CDH11: variants seen among roughly 807,000 people sequenced by gnomAD.
CDH11 encodes cadherin 11.
In CDH11, 11 loss-of-function variants were observed where a neutral mutation model predicts 67.8. The observed-to-expected ratio is 0.16, with a 90% CI of 0.10 to 0.27. The LOEUF (loss-of-function observed/expected upper bound fraction) is 0.27, where lower values mean the gene tolerates loss of function less well. CDH11 is among the 10% of genes least tolerant of loss of function. The pLI is 1.00. For synonymous variants in CDH11, 419 were observed against 400.0 expected (o/e 1.05, Z -0.57); for missense variants, 847 against 1,031.2 (o/e 0.82, Z 2.45).
At chr16:65,056,599 C>T (rs1001454946) in intron 1 of CDH11, among the ~76,000 whole-genome samples, 3 of 152,154 alleles carry the variant, frequency 2.0e-5, no homozygotes, top group Non-Finnish European at 2.9e-5. Context: ...GCACATATAA[C>T]CATCCTGGGT....
intron 6 of CDH11, among the ~76,000 whole-genome samples, chr16:64,990,832 A>G (rs2072612195): frequency 6.6e-6 from 1 of 152,198 alleles, no homozygotes; most frequent in Admixed American, 6.5e-5. Context: ...TTTGTTGACG[A>G]CTTATAGACA....
intron 2 of CDH11, among the ~76,000 whole-genome samples, chr16:65,042,304 T>G (rs2073880708): frequency 6.6e-6 from 1 of 152,158 alleles, no homozygotes; most frequent in African/African-American, 2.4e-5. Flanking sequence ...ATTGCTGCTG[T>G]GAAGAATTAG....
chr16:65,027,932 T>C (rs1014963949), intron 2 of CDH11, among the ~76,000 whole-genome samples: 2 of 152,060 alleles, frequency 1.3e-5, no homozygotes, highest in African/African-American at 4.8e-5. Context: ...AATATACACA[T>C]AGAGAAAATA....
At chr16:65,043,931 G>A (rs1238497267) in intron 2 of CDH11, among the ~76,000 whole-genome samples, 1 of 151,828 alleles carries the variant, frequency 6.6e-6, no homozygotes, top group Non-Finnish European at 1.5e-5. Context: ...CACCTCTTTG[G>A]GCCTCGTTTT....
At chr16:65,056,086 A>G (rs2074137520) in intron 1 of CDH11, among the ~76,000 whole-genome samples, 1 of 152,228 alleles carries the variant, frequency 6.6e-6, no homozygotes, top group South Asian at 2.1e-4. Context: ...AAACCACCCA[A>G]TCTGTGATAT....
intron 1 of CDH11, among the ~76,000 whole-genome samples, chr16:65,111,492 G>A: frequency 6.6e-6 from 1 of 152,058 alleles, no homozygotes; most frequent in Non-Finnish European, 1.5e-5. Flanking sequence ...CAGCACATAA[G>A]GAAAAAGAAA....
intron 3 of CDH11, among the ~76,000 whole-genome samples, chr16:65,000,699 C>T (rs2072899533): frequency 1.3e-5 from 2 of 152,042 alleles, no homozygotes; most frequent in African/African-American, 2.4e-5. Flanking sequence ...ATCCCAGCTA[C>T]TTGGGAGGCC....
chr16:65,045,329 G>GTATATATATATATATATA lies in CDH11; in HGVS notation c.-173+8457_-173+8474dup, dbSNP rs57695452. ...TTTTAAAAATTTGTTTCCCTCAAAAGTATATATATATATATATATATATAT... is the reference window on the plus strand; with the variant it reads ...TTTTAAAAATTTGTTTCCCTCAAAAGTATATATATATATATATATATATATATATATATATATATATAT... On this transcript the variant is annotated intron_variant, in intron 2 of 12. Coordinates refer to ENST00000268603, the MANE Select transcript of CDH11 (RefSeq NM_001797.4). Among the ~76,000 whole-genome samples the GTATATATATATATATATA allele has an allele frequency of 2.5e-4, 16 of 63,280 alleles. 1 individual carries two copies. The highest frequency in any genetic ancestry group is 3.3e-4 in the Non-Finnish European group (10 of 30,358). 41.5% of individuals were successfully genotyped at this position (63,280 alleles called of 152,430 possible).
upstream of CDH11, chr16:65,122,395 C>G (rs1376453468): frequency 1.0e-5 from 2 of 194,178 alleles, no homozygotes; most frequent in Non-Finnish European, 2.1e-5. Flanking sequence ...TCCAGGGACG[C>G]ACAGCCAATC....
chr16:64,994,760 A>G (rs1240342918), intron 4 of CDH11, among the ~76,000 whole-genome samples: 3 of 152,186 alleles, frequency 2.0e-5, no homozygotes, highest in Non-Finnish European at 2.9e-5. Context: ...GGAAAAGAAG[A>G]AGTCAAATTA....
chr16:64,983,235 A>G (rs1469396466), intron 7 of CDH11: 1 of 152,170 alleles, frequency 6.6e-6, no homozygotes, highest in Non-Finnish European at 1.5e-5. Context: ...ATGAAAGAAA[A>G]AAAATGAGTA....
intron 2 of CDH11, among the ~76,000 whole-genome samples, chr16:65,017,347 T>C (rs2073331915): frequency 6.6e-6 from 1 of 152,162 alleles, no homozygotes; most frequent in Admixed American, 6.5e-5. Context: ...TGTAGAGGGA[T>C]GAAGATCCAT....
chr16:65,022,939 C>A (rs2073456568), intron 2 of CDH11, among the ~76,000 whole-genome samples: 1 of 152,166 alleles, frequency 6.6e-6, no homozygotes, highest in Non-Finnish European at 1.5e-5. Flanking sequence ...CAACAGAGGA[C>A]CTCATACAGC....
Position 65,102,212 on chromosome 16 carries a change from C to G in CDH11, c.-298+19668G>C, listed in dbSNP as rs117154772. Reference sequence around the variant, plus strand: ...AAAGATAATGTTTGAATTAAATCCACTCAAAGTCTAAGTTTTAAAAAATTC... The same window carrying G: ...AAAGATAATGTTTGAATTAAATCCAGTCAAAGTCTAAGTTTTAAAAAATTC... On this transcript the variant is annotated intron_variant, in intron 1 of 12. Coordinates refer to ENST00000268603, the MANE Select transcript of CDH11 (RefSeq NM_001797.4). Among the ~76,000 whole-genome samples, 91 of 152,300 alleles carry G rather than the reference C, an allele frequency of 6.0e-4. 1 individual carries two copies. In the East Asian group the frequency reaches 0.014, roughly 24 times the overall value.
Position 64,946,086 on chromosome 16 carries a change from G to A in CDH11, c.*1517C>T. On this transcript the variant is annotated 3_prime_UTR_variant, in exon 13 of 13. Coordinates refer to ENST00000268603, the MANE Select transcript of CDH11 (RefSeq NM_001797.4). Reference sequence around the variant, plus strand: ...CTGGACCAAATGGCATCGACTCTCAGAATCCAAAATGGTCCCTGCCCTCAT... The same window carrying A: ...CTGGACCAAATGGCATCGACTCTCAAAATCCAAAATGGTCCCTGCCCTCAT... The A allele has an allele frequency of 9.5e-7, 1 of 1,058,142 alleles. No individual in the cohort carries two copies. The highest frequency in any genetic ancestry group is 1.6e-5 in the African/African-American group (1 of 60,754). The allele number at this position is 1,058,142 out of a possible 1,614,324, so 65.5% of individuals were successfully genotyped here.
intron 11 of CDH11, among the ~76,000 whole-genome samples, chr16:64,969,399 G>T (rs1445172378): frequency 6.6e-6 from 1 of 152,198 alleles, no homozygotes; most frequent in Non-Finnish European, 1.5e-5. Context: ...TAGACCTCCA[G>T]TGTAAGTTGA....
intron 1 of CDH11, among the ~76,000 whole-genome samples, chr16:65,111,335 C>T (rs546730459): frequency 6.6e-6 from 1 of 152,220 alleles, no homozygotes; most frequent in South Asian, 2.1e-4. Context: ...AATTGAGAAG[C>T]AGATAAAGAG....
At chr16:65,100,635 G>A (rs1285822274) in intron 1 of CDH11, among the ~76,000 whole-genome samples, 1 of 151,754 alleles carries the variant, frequency 6.6e-6, no homozygotes, top group Non-Finnish European at 1.5e-5. Context: ...CTACTTGGGA[G>A]GCTGAGGCAG....
chr16:65,032,558 C>T lies in CDH11; in HGVS notation c.-173+21246G>A, dbSNP rs117527386. 3.2e-3 allele frequency among the ~76,000 whole-genome samples: 485 copies of T among 152,082 alleles called. 1 individual carries two copies. Among genetic ancestry groups the T allele is most frequent in the Non-Finnish European group, 6.0e-3 (409 of 67,986 alleles). On this transcript the variant is annotated intron_variant, in intron 2 of 12. Transcript: ENST00000268603. ...CTGGCATCAAACAAAATGATGTAACCTAAATTTGACCCCAGCTATAAGAAA... is the reference window on the plus strand; with the variant it reads ...CTGGCATCAAACAAAATGATGTAACTTAAATTTGACCCCAGCTATAAGAAA...
Sources: gnomAD v4.1 joint callset for allele counts (sites outside exome capture counted in the v4.1 genomes callset) on GRCh38, gnomAD v4.1.1 for gene constraint, MANE v1.5 for transcripts, NCBI Gene and HGNC (gene_info 2026-07-23, HGNC 2026-07-21) for gene names.